The following UMODL1 variants were observed in gnomAD, a reference collection of about 807,000 sequenced individuals.
UMODL1 encodes the protein uromodulin-like 1.
UMODL1 carries 128 observed loss-of-function variants against 136.3 expected under a neutral mutation model. That is an observed-to-expected ratio of 0.94 (90% confidence interval 0.81 to 1.09). The LOEUF is 1.09. Among genes scored for constraint, UMODL1 ranks in the 50% least tolerant of loss-of-function variants. UMODL1 has a pLI of 0.00. For synonymous variants in UMODL1, 721 were observed against 720.0 expected, an observed-to-expected ratio of 1.00 and a Z score of -0.02; for missense variants, 1,766 against 1,725.6, an observed-to-expected ratio of 1.02 and a Z score of -0.41.
In UMODL1 at chr21:42,072,524, G is replaced by A. The variant is rs560429903; in HGVS notation, c.76+1132G>A. Among the ~76,000 whole-genome samples, 81 of 152,304 alleles carry A rather than the reference G, an allele frequency of 5.3e-4. 2 individuals carry two copies. In the South Asian group the frequency reaches 0.017, roughly 31 times the overall value. On this transcript the variant is annotated intron_variant, in intron 1 of 22. Coordinates refer to ENST00000408910, the MANE Select transcript of UMODL1 (RefSeq NM_001004416.3). ...GAAGCTGGAGAAGGTCTTAGGAGGTGTTTCCAGAACCCCTCATTGTATATG... is the reference window on the plus strand; with the variant it reads ...GAAGCTGGAGAAGGTCTTAGGAGGTATTTCCAGAACCCCTCATTGTATATG...
intron 2 of UMODL1, among the ~76,000 whole-genome samples, chr21:42,076,643 G>A (rs1231187241): frequency 1.3e-5 from 2 of 152,220 alleles, no homozygotes; most frequent in Non-Finnish European, 2.9e-5. Context: ...AGTTTTCAAA[G>A]CTCCCAGAGT....
chr21:42,127,822 G>A lies in UMODL1; in HGVS notation c.3681G>A (p.Thr1227=), dbSNP rs189891936. The part of the protein sequence containing the change: ...LRVCMESPGA[T]CKINCNNFRL... ...TCTGCATGGAATCCCCCGGAGCCAC[G>A]TGCAAAATCGTAAGTGTTTTTTGGT... Residue 1227 remains threonine (T), a synonymous_variant, in exon 20 of 23, where the codon ACG becomes ACA. Coordinates refer to ENST00000408910, the MANE Select transcript of UMODL1 (RefSeq NM_001004416.3). 2.7e-5 allele frequency: 44 copies of A among 1,611,666 alleles called. No individual in the cohort carries two copies. The East Asian group carries it at 4.9e-4, about 18-fold the overall frequency.
At chr21:42,137,379 G>C in intron 21 of UMODL1, 60 bp from the exon 22 acceptor site, 1 of 1,588,942 alleles carries the variant, frequency 6.3e-7, no homozygotes, top group Non-Finnish European at 8.6e-7. Flanking sequence ...TGGAGGGCTT[G>C]CTCTATCGCA....
chr21:42,126,905 C>T (rs938603906), intron 18 of UMODL1, 101 bp from the exon 19 acceptor site: 75 of 970,954 alleles, frequency 7.7e-5, no homozygotes, highest in African/African-American at 6.4e-4. Context: ...TTCATTTGCA[C>T]GTTCCTCTGG....
In UMODL1 at chr21:42,126,390, T is replaced by TC; in HGVS notation, c.3196dup (p.Gln1066ProfsTer21). The TC allele has an allele frequency of 6.2e-7, 1 of 1,614,174 alleles. No homozygotes were observed. Among genetic ancestry groups the TC allele is most frequent in the Non-Finnish European group, 8.5e-7 (1 of 1,180,020 alleles). Reference sequence around the variant, plus strand: ...GAGGACCACGCTGAGGAACGACCTGTCCCAGGAGGGCATCATCCACCACCT... The same window carrying TC: ...GAGGACCACGCTGAGGAACGACCTGTCCCCAGGAGGGCATCATCCACCACCT... On this transcript the variant is annotated frameshift_variant, in exon 18 of 23. Transcript: ENST00000408910. LOFTEE classifies it high-confidence loss of function.
rs202180781 is a variant in UMODL1 at position 42,127,054 on chromosome 21, C to T, written c.3342C>T (p.Thr1114=). The T allele has an allele frequency of 2.5e-4, 398 of 1,614,146 alleles. 1 individual carries two copies. Among genetic ancestry groups the T allele is most frequent in the Middle Eastern group, 1.2e-3 (7 of 6,062 alleles). The change falls in exon 19 of 23, where the codon ACC becomes ACT. Residue 1114 remains threonine, a synonymous_variant. Coordinates refer to ENST00000408910, the MANE Select transcript of UMODL1 (RefSeq NM_001004416.3). ...TCCACGGCGCTGGGAATTTTGTTAC[C>T]GAAATGCAGTTGTTTATCGGAGACT... ...EDLHGAGNFV[T]EMQLFIGDSP...
At position 42,099,354 on chromosome 21, in the gene UMODL1, C is replaced by A. The variant is rs1230757428; in HGVS notation, c.1186+174C>A. Among the ~76,000 whole-genome samples the A allele has an allele frequency of 6.6e-6, 1 of 152,210 alleles. No homozygotes were observed. The highest frequency in any genetic ancestry group is 1.5e-5 in the Non-Finnish European group (1 of 68,036). On this transcript the variant is annotated intron_variant, in intron 7 of 22. Transcript: ENST00000408910. This position sits in a 1 kb window ranked among gnomAD's most constrained non-coding sequence, Gnocchi z 4.1. Reference sequence around the variant, plus strand: ...ATCCCACTGCCTGCCCGGCATTGCACCGGCCCGCTGGTGCCTTCACTGGCT... The same window carrying A: ...ATCCCACTGCCTGCCCGGCATTGCAACGGCCCGCTGGTGCCTTCACTGGCT...
chr21:42,108,335 T>G (rs1247223193), intron 9 of UMODL1: 2 of 527,126 alleles, frequency 3.8e-6, no homozygotes, highest in Admixed American at 2.0e-5. Flanking sequence ...GGAAGAGGTG[T>G]GGGTTGGCAC....
chr21:42,114,737 C>T (rs975250311), intron 13 of UMODL1, among the ~76,000 whole-genome samples: 3 of 152,222 alleles, frequency 2.0e-5, no homozygotes, highest in Non-Finnish European at 2.9e-5. Context: ...GAATTGTGCA[C>T]GTTCACGAGC....
At chr21:42,125,620 G>T (rs548616480) in intron 17 of UMODL1, among the ~76,000 whole-genome samples, 1 of 152,192 alleles carries the variant, frequency 6.6e-6, no homozygotes, top group Non-Finnish European at 1.5e-5. Flanking sequence ...GAGGCCGAGC[G>T]TTGGCAGCAG....
At position 42,142,550 on chromosome 21, in the gene UMODL1, T is replaced by C. The variant is rs1255797046; in HGVS notation, c.*476T>C. On this transcript the variant is annotated 3_prime_UTR_variant, in exon 23 of 23. Coordinates refer to ENST00000408910, the MANE Select transcript of UMODL1 (RefSeq NM_001004416.3). ...TTCTCAGAGAGACCCGACCGCGCTCTTGATGCTCTTTCGAAAATAGGTCAG... is the reference window on the plus strand; with the variant it reads ...TTCTCAGAGAGACCCGACCGCGCTCCTGATGCTCTTTCGAAAATAGGTCAG... The C allele has an allele frequency of 5.3e-5, 8 of 152,262 alleles. No homozygotes were observed. The highest frequency in any genetic ancestry group is 1.0e-4 in the Non-Finnish European group (7 of 68,046). 9.4% of individuals were successfully genotyped at this position (152,262 alleles called of 1,614,324 possible). A position where few individuals can be genotyped will look rare whatever the true frequency, so the allele number is the denominator to read the frequency against.
Position 42,127,014 on chromosome 21 carries a change from C to T in UMODL1, c.3302C>T (p.Thr1101Ile), listed in dbSNP as rs1008900255. The T allele has an allele frequency of 1.2e-6, 2 of 1,613,956 alleles. No individual in the cohort carries two copies. The highest frequency in any genetic ancestry group is 1.7e-6 in the Non-Finnish European group (2 of 1,179,942). The change falls in exon 19 of 23, where the codon ACC becomes ATC. Residue 1101 changes from threonine (T) to isoleucine (I), a missense_variant. Thr to Ile is a moderately conservative substitution (Grantham distance 89). Transcript: ENST00000408910. ...SGFTLEWGVY[T>I]IIEDLHGAGN... Reference sequence around the variant, plus strand: ...GCTGCTTCCTCTTGCAGGGTTTACACCATCATCGAGGACCTCCACGGCGCT... The same window carrying T: ...GCTGCTTCCTCTTGCAGGGTTTACATCATCATCGAGGACCTCCACGGCGCT...
intron 2 of UMODL1, among the ~76,000 whole-genome samples, chr21:42,080,082 G>A (rs2066343998): frequency 6.6e-6 from 1 of 152,220 alleles, no homozygotes. Context: ...TGGTGTGAAG[G>A]CGCCTGTGGT....
At chr21:42,138,316 C>G (rs1194373457) in intron 22 of UMODL1, among the ~76,000 whole-genome samples, 3 of 152,206 alleles carry the variant, frequency 2.0e-5, no homozygotes, top group Admixed American at 6.5e-5. Flanking sequence ...TCCCTGAAAC[C>G]TGGTGCTCGT....
chr21:42,136,979 A>C (rs2067212909), intron 21 of UMODL1, among the ~76,000 whole-genome samples: 1 of 151,852 alleles, frequency 6.6e-6, no homozygotes, highest in Admixed American at 6.6e-5. Flanking sequence ...GATGGTCTCA[A>C]TCTCTTGACC....
In UMODL1 at chr21:42,142,199, A is replaced by C. The variant is rs1601297665; in HGVS notation, c.*125A>C. 3 of 151,986 alleles carry C rather than the reference A, an allele frequency of 2.0e-5. No homozygotes were observed. The highest frequency in any genetic ancestry group is 2.0e-4 in the Admixed American group (3 of 15,274). The allele number at this position is 151,986 out of a possible 1,614,324, so 9.4% of individuals were successfully genotyped here. On this transcript the variant is annotated 3_prime_UTR_variant, in exon 23 of 23. Coordinates refer to ENST00000408910, the MANE Select transcript of UMODL1 (RefSeq NM_001004416.3). Reference sequence around the variant, plus strand: ...ACCTCCACCCATCCCTCGGTTCTTAACTCTTCAAGCCTTAACGGAGGTCTG... The same window carrying C: ...ACCTCCACCCATCCCTCGGTTCTTACCTCTTCAAGCCTTAACGGAGGTCTG...
chr21:42,129,661 T>C (rs973038880), intron 20 of UMODL1, 52 bp from the exon 21 acceptor site: 3 of 1,489,336 alleles, frequency 2.0e-6, no homozygotes, highest in Non-Finnish European at 2.7e-6. Context: ...TCCTTTCTCA[T>C]AAATGTTGTT....
At chr21:42,104,606 C>T (rs533761572) in intron 9 of UMODL1, among the ~76,000 whole-genome samples, 14 of 152,246 alleles carry the variant, frequency 9.2e-5, no homozygotes, top group East Asian at 5.8e-4. Context: ...CCTGCCACCA[C>T]GCCTGGCTAA....
In UMODL1 at chr21:42,090,299, T is replaced by A; in HGVS notation, c.792T>A (p.Asp264Glu). The A allele has an allele frequency of 6.2e-7, 1 of 1,614,124 alleles. No homozygotes were observed. Among genetic ancestry groups the A allele is most frequent in the Non-Finnish European group, 8.5e-7 (1 of 1,179,998 alleles). Residue 264 changes from aspartate (D) to glutamate (E), a missense_variant and splice_region_variant, in exon 6 of 23, where the codon GAT becomes GAA. By Grantham distance (45) the Asp-to-Glu change is conservative. Transcript: ENST00000408910. ...GGGTCCTGCTCTCCTTCCCTGTAGA[T>A]GTCAATGAGTGTTTCTATGAGGAGC... ...VYEVISVQVQDVNECFYEELN... is the reference protein window; with the variant it reads ...VYEVISVQVQEVNECFYEELN...
Sources: gnomAD v4.1 joint callset for allele counts (sites outside exome capture counted in the v4.1 genomes callset) on GRCh38, gnomAD v4.1.1 for gene constraint, Gnocchi (gnomAD v3.1) non-coding constraint, MANE v1.5 for transcripts, NCBI Gene and HGNC (gene_info 2026-07-23, HGNC 2026-07-21) for gene names.